RGL1: variants seen among roughly 807,000 people sequenced by gnomAD.
RGL1 encodes ral guanine nucleotide dissociation stimulator like 1.
In RGL1, 24 loss-of-function variants were observed where a neutral mutation model predicts 95.2. The ratio of observed to expected loss-of-function variants is 0.25; its 90% CI spans 0.18 to 0.35. The LOEUF is 0.35. Among genes scored for constraint, RGL1 ranks in the 10% least tolerant of loss-of-function variants. The probability of loss-of-function intolerance (pLI) is 1.00; values close to 1 mark genes in which losing one functional copy is unlikely to be tolerated. For synonymous variants in RGL1, 329 were observed against 344.9 expected, an observed-to-expected ratio of 0.95 and a Z score of 0.51; for missense variants, 715 against 936.3, an observed-to-expected ratio of 0.76 and a Z score of 3.08.
intron 2 of RGL1, among the ~76,000 whole-genome samples, chr1:183,765,340 C>A (rs1000523191): frequency 6.6e-6 from 1 of 152,150 alleles, no homozygotes; most frequent in African/African-American, 2.4e-5. Flanking sequence ...AACCACATTG[C>A]AATGAATTAA....
chr1:183,644,732 G>A (rs1206732136), intron 1 of RGL1, among the ~76,000 whole-genome samples: 5 of 152,046 alleles, frequency 3.3e-5, no homozygotes, highest in African/African-American at 1.2e-4. Flanking sequence ...CATTCTGTGA[G>A]TTAAACTTTT....
rs369288692 is a variant in RGL1 at position 183,822,973 on chromosome 1, G to A, written c.138+16488G>A. On this transcript the variant is annotated intron_variant, in intron 2 of 17. Transcript: ENST00000360851. ...CCTTAATGCCAGACATCTTTAAATC[G>A]CCAGACATCACTCAAATTCTAGCTC... Among the ~76,000 whole-genome samples, 4 of 152,030 alleles carry A rather than the reference G, an allele frequency of 2.6e-5. 1 individual carries two copies. Among genetic ancestry groups the A allele is most frequent in the East Asian group, 1.9e-4 (1 of 5,192 alleles).
intron 2 of RGL1, among the ~76,000 whole-genome samples, chr1:183,810,629 A>G (rs147632875): frequency 6.6e-6 from 1 of 152,358 alleles, no homozygotes; most frequent in East Asian, 1.9e-4. Flanking sequence ...ATTGTGGCCA[A>G]TCATGGGTTA....
rs541425897 is a variant in RGL1 at position 183,674,673 on chromosome 1, T to G, written c.-33+38172T>G. ...GTCTTCTGCCAGTGGAGTTAGCATTTGGTTATGAAGATGGCTTTGAGAATT... is the reference window on the plus strand; with the variant it reads ...GTCTTCTGCCAGTGGAGTTAGCATTGGGTTATGAAGATGGCTTTGAGAATT... On this transcript the variant is annotated intron_variant, in intron 1 of 18. Transcript: ENST00000304685. Among the ~76,000 whole-genome samples, 31 of 152,328 alleles carry G rather than the reference T, an allele frequency of 2.0e-4. 1 individual carries two copies. The East Asian group carries it at 4.6e-3, about 23-fold the overall frequency.
chr1:183,914,309 C>T (rs1170908399), intron 15 of RGL1, among the ~76,000 whole-genome samples: 1 of 152,170 alleles, frequency 6.6e-6, no homozygotes, highest in Non-Finnish European at 1.5e-5. Context: ...TTGTCTCATC[C>T]CTCATCAGAC....
At chr1:183,727,404 C>T (rs1375857098) in intron 1 of RGL1, among the ~76,000 whole-genome samples, 1 of 152,144 alleles carries the variant, frequency 6.6e-6, no homozygotes, top group Non-Finnish European at 1.5e-5. Context: ...TGACACATTT[C>T]TATGAATATA....
At chr1:183,698,849 C>G (rs182727969) in intron 1 of RGL1, among the ~76,000 whole-genome samples, 1 of 152,208 alleles carries the variant, frequency 6.6e-6, no homozygotes, top group East Asian at 1.9e-4. Context: ...GACTTGGTCA[C>G]GTTGTGAATG....
intron 3 of RGL1, among the ~76,000 whole-genome samples, chr1:183,849,078 A>T (rs1664639589): frequency 6.8e-6 from 1 of 146,406 alleles, no homozygotes; most frequent in Non-Finnish European, 1.5e-5. Flanking sequence ...ATTTTCATTT[A>T]AAAAATTTTT....
chr1:183,786,139 C>T (rs1458440874), intron 2 of RGL1, among the ~76,000 whole-genome samples: 1 of 151,892 alleles, frequency 6.6e-6, no homozygotes, highest in Admixed American at 6.6e-5. Context: ...CAGTGGCTCA[C>T]ACCTGTAATC....
rs917687963 is a variant in RGL1, at chr1:183,776,350, G to A, written c.133-30025G>A. Among the ~76,000 whole-genome samples the A allele has an allele frequency of 1.1e-4, 16 of 151,484 alleles. No individual in the cohort carries two copies. The East Asian group carries it at 2.5e-3, about 24-fold the overall frequency. On this transcript the variant is annotated intron_variant, in intron 2 of 18. Transcript: ENST00000304685. The stretch of plus-strand genomic sequence containing the variant: ...TTTTTAGTAGAGACGGGGTTTCACC[G>A]TGTTAGCCAGGATGGTCTCGATCTC...
intron 2 of RGL1, among the ~76,000 whole-genome samples, chr1:183,769,414 A>G (rs1048304857): frequency 6.6e-6 from 1 of 152,252 alleles, no homozygotes; most frequent in African/African-American, 2.4e-5. Flanking sequence ...TTCCAAAGTC[A>G]CATCTACTTT....
At chr1:183,815,642 A>G (rs1662033399) in intron 2 of RGL1, among the ~76,000 whole-genome samples, 1 of 152,180 alleles carries the variant, frequency 6.6e-6, no homozygotes, top group African/African-American at 2.4e-5. Flanking sequence ...CCAGACTTCC[A>G]TGCAAAACTC....
intron 5 of RGL1, 52 bp from the exon 6 acceptor site, chr1:183,883,734 C>A: frequency 6.2e-7 from 1 of 1,602,742 alleles, no homozygotes. Context: ...ACTCTATAAG[C>A]AAGATTATAT....
At chr1:183,671,938 C>CTTT (rs545807956) in intron 1 of RGL1, among the ~76,000 whole-genome samples, 1 of 137,896 alleles carries the variant, frequency 7.3e-6, no homozygotes, top group Non-Finnish European at 1.6e-5. Context: ...TTTTTTTTTT[C>CTTT]TTTTTTTTTT....
At chr1:183,668,103 A>C (rs80176632) in intron 1 of RGL1, among the ~76,000 whole-genome samples, 1,969 of 152,282 alleles carry the variant, frequency 0.013, 52 homozygotes, top group African/African-American at 0.046. Flanking sequence ...ATAAAAAAAT[A>C]AAAGTTTTTA....
chr1:183,895,818 C>T (rs1420897403), intron 9 of RGL1, among the ~76,000 whole-genome samples: 1 of 152,154 alleles, frequency 6.6e-6, no homozygotes, highest in Non-Finnish European at 1.5e-5. Context: ...TTTTAGATCT[C>T]TAGCAGGGAT....
rs1372093988 is a variant in RGL1, at chr1:183,927,891, T to C, written c.*1599T>C. The C allele has an allele frequency of 3.9e-5, 6 of 152,600 alleles. No homozygotes were observed. In the East Asian group the frequency reaches 1.2e-3, roughly 29 times the overall value. The allele number at this position is 152,600 out of a possible 1,614,324, so 9.5% of individuals were successfully genotyped here. A position where few individuals can be genotyped will look rare whatever the true frequency, so the allele number is the denominator to read the frequency against. On this transcript the variant is annotated 3_prime_UTR_variant, in exon 18 of 18. Transcript: ENST00000360851. ...TGCGTTGCATAAATAGCCATGTGAATTCCACAAGAAGCACCAGGGAAAGTT... is the reference window on the plus strand; with the variant it reads ...TGCGTTGCATAAATAGCCATGTGAACTCCACAAGAAGCACCAGGGAAAGTT...
At chr1:183,844,656 A>G (rs1335277915) in intron 2 of RGL1, among the ~76,000 whole-genome samples, 2 of 152,208 alleles carry the variant, frequency 1.3e-5, no homozygotes, top group Admixed American at 6.5e-5. Context: ...TCTAAACCAT[A>G]TATCTTTTTC....
At chr1:183,895,726 G>T (rs12069290) in intron 9 of RGL1, among the ~76,000 whole-genome samples, 32,938 of 151,932 alleles carry the variant, frequency 0.22, 3,768 homozygotes, top group Non-Finnish European at 0.25. Flanking sequence ...GCTGAGGAAG[G>T]AAAAACTGAA....
Sources: allele counts gnomAD v4.1 joint callset (sites outside exome capture counted in the v4.1 genomes callset), GRCh38; gene constraint gnomAD v4.1.1; transcripts MANE v1.5; gene names NCBI Gene and HGNC (gene_info 2026-07-23, HGNC 2026-07-21).